The following MT1X variants were observed in gnomAD, a reference collection of about 807,000 sequenced individuals.
The protein encoded by MT1X is metallothionein-1X.
MT1X carries 7 observed loss-of-function variants against 8.6 expected under a neutral mutation model. The ratio of observed to expected loss-of-function variants is 0.81; its 90% CI spans 0.46 to 1.52. MT1X has a LOEUF of 1.52. Ranked by LOEUF, MT1X falls within the 40% of genes most tolerant of loss-of-function variation. MT1X has a pLI of 0.01. For synonymous variants in MT1X, 25 were observed against 27.6 expected (o/e 0.91, Z 0.30); for missense variants, 72 against 74.3 (o/e 0.97, Z 0.11).
At chr16:56,682,734 C>T in intron 1 of MT1X, 166 bp downstream of exon 1, 1 of 835,128 alleles carries the variant, frequency 1.2e-6, no homozygotes, top group Non-Finnish European at 1.9e-6. Flanking sequence ...TTCTCGCCTC[C>T]CTGTGCCTCT....
intron 2 of MT1X, 35 bp from the exon 3 acceptor site, chr16:56,683,923 C>A (rs1265140301): frequency 1.2e-6 from 2 of 1,613,120 alleles, no homozygotes; most frequent in Non-Finnish European, 1.7e-6. Flanking sequence ...CTGATTGAGT[C>A]TGCTCTGACC....
chr16:56,682,882 CCT>C, intron 1 of MT1X: 1 of 591,530 alleles, frequency 1.7e-6, no homozygotes, highest in Non-Finnish European at 3.0e-6. Context: ...GGGGCCATTG[CCT>C]CTTCGGAGTT....
At chr16:56,683,762 C>A in intron 2 of MT1X, 196 bp from the exon 3 acceptor site, 1 of 755,910 alleles carries the variant, frequency 1.3e-6, no homozygotes, top group Non-Finnish European at 2.1e-6. Context: ...CTGTCCCAGA[C>A]TCAGGTGGGG....
intron 2 of MT1X, chr16:56,683,658 G>T (rs34052010): frequency 0.04 from 16,902 of 426,260 alleles, 462 homozygotes; most frequent in Admixed American, 0.083. Context: ...CCCCTGTCCG[G>T]CTGTGAAGAC....
chr16:56,684,098 C>A lies in MT1X; in HGVS notation c.*49C>A. The A allele has an allele frequency of 6.5e-7, 1 of 1,526,748 alleles. No homozygotes were observed. The highest frequency in any genetic ancestry group is 2.3e-5 in the East Asian group (1 of 43,860). 94.6% of individuals were successfully genotyped at this position (1,526,748 alleles called of 1,614,324 possible). ...ATGTAAATAGAGCAACCTATATAAA[C>A]CTGGATTTTTTTTTTTTTTTTTTTT... is the stretch of plus-strand genomic sequence containing the variant. On this transcript the variant is annotated 3_prime_UTR_variant, in exon 3 of 3. Transcript: ENST00000394485.
intron 1 of MT1X, chr16:56,682,785 T>C (rs111256701): frequency 1.6e-6 from 1 of 629,474 alleles, no homozygotes; most frequent in Non-Finnish European, 2.7e-6. Context: ...GCTGTCCTGC[T>C]CCATGTCACC....
At chr16:56,683,830 C>A in intron 2 of MT1X, 128 bp from the exon 3 acceptor site, 1 of 1,372,974 alleles carries the variant, frequency 7.3e-7, no homozygotes, top group Non-Finnish European at 1.0e-6. Flanking sequence ...TCTCTTCTGA[C>A]AAAGCCATGC....
intron 1 of MT1X, 98 bp from the exon 2 acceptor site, chr16:56,683,066 TC>T (rs1246719134): frequency 1.5e-5 from 21 of 1,416,568 alleles, no homozygotes; most frequent in Non-Finnish European, 2.1e-5. Context: ...TGGGGGCTGG[TC>T]CTTCAGCACA....
At chr16:56,682,709 C>T in intron 1 of MT1X, 141 bp downstream of exon 1, 1 of 1,067,626 alleles carries the variant, frequency 9.4e-7, no homozygotes, top group East Asian at 2.4e-5. Flanking sequence ...TTCCCGATCA[C>T]GTCCCTGAGA....
intron 1 of MT1X, 30 bp from the exon 2 acceptor site, chr16:56,683,135 A>T: frequency 1.9e-6 from 3 of 1,613,228 alleles, no homozygotes; most frequent in Non-Finnish European, 2.5e-6. Context: ...ATCTCACTCC[A>T]CGCTCACTGC....
chr16:56,683,907 A>C, intron 2 of MT1X, 51 bp from the exon 3 acceptor site: 1 of 1,611,290 alleles, frequency 6.2e-7, no homozygotes, highest in Non-Finnish European at 8.5e-7. Context: ...TGGGGCAGGG[A>C]GGTGCCTGAT....
At chr16:56,683,390 A>T (rs1961025698) in intron 2 of MT1X, 160 bp downstream of exon 2, 2 of 755,486 alleles carry the variant, frequency 2.6e-6, no homozygotes, top group Admixed American at 5.5e-5. Flanking sequence ...AAAATGGGTG[A>T]GTCCCAGCCT....
rs541284401 is a variant in MT1X, at chr16:56,683,175, T to C, written c.39T>C (p.Cys13=). 6.2e-7 allele frequency: 1 copy of C among 1,614,016 alleles called. No homozygotes were observed. Among genetic ancestry groups the C allele is most frequent in the Admixed American group, 1.7e-5 (1 of 60,022 alleles). Residue 13 remains cysteine, a synonymous_variant, in exon 2 of 3, where the codon TGT becomes TGC. Coordinates refer to ENST00000394485, the MANE Select transcript of MT1X (RefSeq NM_005952.4). ...PNCSCSPVGS[C]ACAGSCKCKE... ...TTCTCTTCCTTGCAGTTGGCTCCTG[T>C]GCCTGTGCCGGCTCCTGCAAATGCA...
chr16:56,683,233 GA>G lies in MT1X; in HGVS notation c.94+4del. On this transcript the variant is annotated splice_donor_region_variant and intron_variant, in intron 2 of 2. Coordinates refer to ENST00000394485, the MANE Select transcript of MT1X (RefSeq NM_005952.4). ...CAAATGCACCTCCTGCAAGAAGAGT[GA>G]GTGCAGGGCCTTCCCTGCGAATCTG... is the stretch of plus-strand genomic sequence containing the variant. 6.2e-7 allele frequency: 1 copy of G among 1,613,914 alleles called. No homozygotes were observed. Among genetic ancestry groups the G allele is most frequent in the Non-Finnish European group, 8.5e-7 (1 of 1,179,870 alleles).
Sources: allele counts gnomAD v4.1 joint callset, GRCh38; gene constraint gnomAD v4.1.1; transcripts MANE v1.5; gene names NCBI Gene and HGNC (gene_info 2026-07-23, HGNC 2026-07-21).